The following PLEKHA7 variants were observed in gnomAD, a reference collection of about 807,000 sequenced individuals.
PLEKHA7 encodes the protein pleckstrin homology domain-containing family A member 7.
PLEKHA7 carries 104 observed loss-of-function variants against 170.0 expected under a neutral mutation model. That is an observed-to-expected ratio of 0.61 (90% CI 0.52 to 0.72). The LOEUF is 0.72. Ranked by LOEUF, PLEKHA7 falls within the 30% of genes least tolerant of loss-of-function variation. The pLI, the probability that PLEKHA7 is intolerant of heterozygous loss-of-function variation, is 0.00. For missense variants in PLEKHA7, 1,615 were observed against 1,671.7 expected, an observed-to-expected ratio of 0.97 and a Z score of 0.59; for synonymous variants, 648 against 660.8, an observed-to-expected ratio of 0.98 and a Z score of 0.30.
intron 9 of PLEKHA7, among the ~76,000 whole-genome samples, chr11:16,839,163 A>C (rs200651046): frequency 6.6e-6 from 1 of 152,184 alleles, no homozygotes; most frequent in East Asian, 1.9e-4. Flanking sequence ...GAAATACCAT[A>C]TGAGTAAAAA....
At chr11:16,936,428 C>CAAAAAAAAAAAA (rs1554976429) in intron 3 of PLEKHA7, among the ~76,000 whole-genome samples, 1 of 66,638 alleles carries the variant, frequency 1.5e-5, no homozygotes, top group African/African-American at 5.1e-5. Context: ...AAAAAAAAAT[C>CAAAAAAAAAAAA]AGGTCTCTAT....
intron 4 of PLEKHA7, among the ~76,000 whole-genome samples, chr11:16,861,363 TA>T (rs11362528): frequency 0.76 from 109,693 of 145,120 alleles, 42,980 homozygotes; most frequent in East Asian, 0.91. Context: ...CTATTAAAAT[TA>T]AAAAAAAAAA....
At chr11:16,833,645 C>G (rs919292252) in intron 9 of PLEKHA7, among the ~76,000 whole-genome samples, 1 of 152,148 alleles carries the variant, frequency 6.6e-6, no homozygotes. Flanking sequence ...AGGAATCTGT[C>G]ATGGACAACC....
Position 16,892,432 on chromosome 11 carries a change from G to GTGTGTTTTGTTT in PLEKHA7, c.222-21251_222-21250insAAACAAAACACA, listed in dbSNP as rs1554964931. 1.7e-3 allele frequency among the ~76,000 whole-genome samples: 194 copies of GTGTGTTTTGTTT among 115,006 alleles called. 1 individual carries two copies. The highest frequency in any genetic ancestry group is 5.8e-3 in the African/African-American group (161 of 27,554). The allele number at this position is 115,006 out of a possible 152,430, so 75.4% of individuals were successfully genotyped here. A position where few individuals can be genotyped will look rare whatever the true frequency, so the allele number is the denominator to read the frequency against. The stretch of plus-strand genomic sequence containing the variant: ...TGTGTGTGTGTGTGTGTGTGTGTGT[G>GTGTGTTTTGTTT]TGTTTTGTTTTGTTTTGTTTTGTTT... On this transcript the variant is annotated intron_variant, in intron 3 of 26. Transcript: ENST00000531066.
chr11:16,991,791 A>T (rs1173964390), intron 3 of PLEKHA7, among the ~76,000 whole-genome samples: 1 of 152,212 alleles, frequency 6.6e-6, no homozygotes, highest in African/African-American at 2.4e-5. Flanking sequence ...AACTTCCACC[A>T]TTAAACAGTC....
At chr11:16,954,046 G>A (rs1861556945) in intron 3 of PLEKHA7, among the ~76,000 whole-genome samples, 1 of 152,150 alleles carries the variant, frequency 6.6e-6, no homozygotes, top group Non-Finnish European at 1.5e-5. Context: ...GGAAATTTCA[G>A]GGCTTCACTG....
intron 3 of PLEKHA7, among the ~76,000 whole-genome samples, chr11:16,992,314 G>A (rs1357572798): frequency 6.6e-6 from 1 of 152,340 alleles, no homozygotes; most frequent in South Asian, 2.1e-4. Flanking sequence ...TCCTTCATAA[G>A]GAAGCCCGGT....
chr11:16,867,795 T>C lies in PLEKHA7; in HGVS notation c.305+3304A>G, dbSNP rs116908008. On this transcript the variant is annotated intron_variant, in intron 4 of 26. Transcript: ENST00000531066. Reference sequence around the variant, plus strand: ...TTGACCCCACCAAGGCTGGACACACTCTCCTCAGCTGTGAATGACACCTAC... The same window carrying C: ...TTGACCCCACCAAGGCTGGACACACCCTCCTCAGCTGTGAATGACACCTAC... Among the ~76,000 whole-genome samples, 45 of 152,144 alleles carry C rather than the reference T, an allele frequency of 3.0e-4. No individual in the cohort carries two copies. In the East Asian group the frequency reaches 6.2e-3, roughly 21 times the overall value.
At chr11:16,787,561 G>GTGTT (rs1383190726) in intron 23 of PLEKHA7, 1 of 152,066 alleles carries the variant, frequency 6.6e-6, no homozygotes, top group Non-Finnish European at 1.5e-5. Context: ...GCTCCAAATA[G>GTGTT]AGACAAGTCC....
chr11:16,965,182 G>C (rs765053823), intron 3 of PLEKHA7, among the ~76,000 whole-genome samples: 2 of 151,998 alleles, frequency 1.3e-5, no homozygotes, highest in Non-Finnish European at 2.9e-5. Flanking sequence ...CATAAGTCAG[G>C]TGTGGTAGCG....
chr11:16,812,996 T>A, intron 13 of PLEKHA7, 117 bp downstream of exon 13: 2 of 754,698 alleles, frequency 2.7e-6, no homozygotes, highest in Non-Finnish European at 4.5e-6. Context: ...ACATATTGAT[T>A]TAGAATTCAG....
intron 3 of PLEKHA7, among the ~76,000 whole-genome samples, chr11:16,988,658 G>C (rs1005096994): frequency 7.9e-6 from 1 of 125,888 alleles, no homozygotes; most frequent in Admixed American, 8.0e-5. Flanking sequence ...ATGTTGGCCA[G>C]GCTGGTCGAA....
At position 16,817,341 on chromosome 11, in the gene PLEKHA7, A is replaced by T; in HGVS notation, c.1344-19T>A. On this transcript the variant is annotated intron_variant, in intron 10 of 26. Transcript: ENST00000531066. The surrounding 1 kb of genome is among the most constrained non-coding windows in gnomAD (Gnocchi z 4.4). ...GGGAAGACTGAGGAGAAAGGGTAAGAACGGGTCAGGCAACCAAGCGAGGGT... is the reference window on the plus strand; with the variant it reads ...GGGAAGACTGAGGAGAAAGGGTAAGTACGGGTCAGGCAACCAAGCGAGGGT... The T allele has an allele frequency of 6.3e-7, 1 of 1,587,124 alleles. No individual in the cohort carries two copies. Among genetic ancestry groups the T allele is most frequent in the Non-Finnish European group, 8.5e-7 (1 of 1,170,428 alleles).
chr11:16,888,452 G>A (rs200165798), intron 3 of PLEKHA7, among the ~76,000 whole-genome samples: 5,572 of 103,572 alleles, frequency 0.054, no homozygotes, highest in East Asian at 0.14. Context: ...TGCTGTGTCT[G>A]TGTAGAGGGA....
chr11:16,950,448 AAAG>A (rs1861332326), intron 3 of PLEKHA7, among the ~76,000 whole-genome samples: 1 of 152,158 alleles, frequency 6.6e-6, no homozygotes, highest in Admixed American at 6.5e-5. Context: ...GCATACCCAC[AAAG>A]AAGAGGGTAT....
chr11:16,876,231 C>T (rs1855283789), intron 3 of PLEKHA7, among the ~76,000 whole-genome samples: 1 of 152,242 alleles, frequency 6.6e-6, no homozygotes, highest in South Asian at 2.1e-4. Context: ...CCCTGAAATA[C>T]CTGTTCTTAG....
chr11:16,806,190 C>G (rs536998181), intron 13 of PLEKHA7, among the ~76,000 whole-genome samples: 1 of 152,164 alleles, frequency 6.6e-6, no homozygotes, highest in African/African-American at 2.4e-5. Context: ...CTCCTATGGA[C>G]GAAAGGTCAC....
chr11:16,986,963 A>G (rs7101394), intron 3 of PLEKHA7, among the ~76,000 whole-genome samples: 150,635 of 152,316 alleles, frequency 0.99, 74,509 homozygotes, highest in East Asian at 1. Flanking sequence ...GGGCATTTCC[A>G]GCCACATTCT....
chr11:16,796,625 C>T lies in PLEKHA7; in HGVS notation c.2410-1607G>A, dbSNP rs188841891. Among the ~76,000 whole-genome samples, 7 of 152,160 alleles carry T rather than the reference C, an allele frequency of 4.6e-5. No individual in the cohort carries two copies. The East Asian group carries it at 1.2e-3, about 25-fold the overall frequency. ...ATCATGCTGTGAGTATACTAAAAAC[C>T]ACTGAAACGTATACTTTAGAAGGGT... On this transcript the variant is annotated intron_variant, in intron 17 of 26. Transcript: ENST00000531066.
Sources: allele counts gnomAD v4.1 joint callset (sites outside exome capture counted in the v4.1 genomes callset), GRCh38; gene constraint gnomAD v4.1.1; non-coding constraint Gnocchi (gnomAD v3.1); transcripts MANE v1.5; gene names NCBI Gene and HGNC (gene_info 2026-07-23, HGNC 2026-07-21).